The following GRTP1 variants were observed in gnomAD, a reference collection of about 807,000 sequenced individuals.
GRTP1 encodes the protein growth hormone regulated TBC protein 1, also known as growth hormone-regulated TBC protein 1.
Under a neutral mutation model 38.1 loss-of-function variants are expected in GRTP1, and 56 were observed. That is an observed-to-expected ratio of 1.47 (90% CI 1.19 to 1.84). GRTP1 has a LOEUF of 1.84. Ranked by LOEUF, GRTP1 falls within the 40% of genes most tolerant of loss-of-function variation. The pLI, the probability that GRTP1 is intolerant of heterozygous loss-of-function variation, is 0.00. For synonymous variants in GRTP1, 217 were observed against 189.5 expected (o/e 1.14, Z -1.19); for missense variants, 506 against 453.9 (o/e 1.11, Z -1.04).
rs914619600 is a variant in GRTP1 at position 113,348,695 on chromosome 13, G to T, written c.465+2154C>A. On this transcript the variant is annotated intron_variant, in intron 4 of 7. Coordinates refer to ENST00000375431, the MANE Select transcript of GRTP1 (RefSeq NM_024719.4). This position sits in a 1 kb window ranked among gnomAD's most constrained non-coding sequence, Gnocchi z 4.8. ...GAACGCACATGGAGATGGAGGCAGA[G>T]ATTGGAGTAGTGATGCCACCCGCCG... Among the ~76,000 whole-genome samples, 1 of 152,188 alleles carries T rather than the reference G, an allele frequency of 6.6e-6. No homozygotes were observed. The highest frequency in any genetic ancestry group is 2.4e-5 in the African/African-American group (1 of 41,442).
At chr13:113,346,019 AGCAGACCTGG>A (rs2043103242) in intron 4 of GRTP1, among the ~76,000 whole-genome samples, 2 of 93,628 alleles carry the variant, frequency 2.1e-5, no homozygotes, top group African/African-American at 7.8e-5. Context: ...TCTGCGGCTG[AGCAGACCTGG>A]GAAGACATCT....
chr13:113,354,207 T>C (rs1360532405), intron 3 of GRTP1, among the ~76,000 whole-genome samples: 1 of 152,222 alleles, frequency 6.6e-6, no homozygotes, highest in Non-Finnish European at 1.5e-5. Context: ...TGAATCAGCG[T>C]TTCTGGCCGC....
chr13:113,334,034 C>T (rs1370081803), intron 5 of GRTP1, among the ~76,000 whole-genome samples: 1 of 151,940 alleles, frequency 6.6e-6, no homozygotes, highest in Admixed American at 6.6e-5. Flanking sequence ...GAGGTTTCGC[C>T]ATACTGGCCA....
At chr13:113,357,127 T>A (rs1457495319) in intron 2 of GRTP1, among the ~76,000 whole-genome samples, 1 of 151,408 alleles carries the variant, frequency 6.6e-6, no homozygotes, top group Non-Finnish European at 1.5e-5. Flanking sequence ...CTGGCCAACA[T>A]GGTGAAACCC....
In GRTP1 at chr13:113,348,827, C is replaced by T. The variant is rs2043213728; in HGVS notation, c.465+2022G>A. Among the ~76,000 whole-genome samples the T allele has an allele frequency of 6.6e-6, 1 of 152,052 alleles. No homozygotes were observed. The highest frequency in any genetic ancestry group is 6.5e-5 in the Admixed American group (1 of 15,270). ...CCGCCCCGCAGACGCCGCGACCTCA[C>T]CTGCCCCGCAGATGCCGCGACCTCT... On this transcript the variant is annotated intron_variant, in intron 4 of 7. Coordinates refer to ENST00000375431, the MANE Select transcript of GRTP1 (RefSeq NM_024719.4). This position sits in a 1 kb window ranked among gnomAD's most constrained non-coding sequence, Gnocchi z 4.8.
chr13:113,354,877 CT>C (rs976871101), intron 3 of GRTP1, among the ~76,000 whole-genome samples: 2 of 152,180 alleles, frequency 1.3e-5, no homozygotes, highest in African/African-American at 4.8e-5. Context: ...GCCAGGGACC[CT>C]ATGGTTATGT....
rs1555316235 is a variant in GRTP1, at chr13:113,342,771, C to A, written c.562+2092G>T. On this transcript the variant is annotated intron_variant, in intron 5 of 7. Coordinates refer to ENST00000375431, the MANE Select transcript of GRTP1 (RefSeq NM_024719.4). The surrounding 1 kb of genome is among the most constrained non-coding windows in gnomAD (Gnocchi z 4.5). ...GAGAGCTCTGCCGGGATCGGAATAA[C>A]CCCCTTTTCCTCCCATGATCCTAAC... Among the ~76,000 whole-genome samples the A allele has an allele frequency of 6.6e-6, 1 of 152,196 alleles. No homozygotes were observed. Among genetic ancestry groups the A allele is most frequent in the Non-Finnish European group, 1.5e-5 (1 of 68,032 alleles).
chr13:113,363,210 T>C (rs959678262), intron 2 of GRTP1, among the ~76,000 whole-genome samples: 1 of 152,192 alleles, frequency 6.6e-6, no homozygotes, highest in African/African-American at 2.4e-5. Flanking sequence ...AGCAGGGCCC[T>C]GTGGGTCCCG....
In GRTP1 at chr13:113,350,593, G is replaced by A. The variant is rs551828913; in HGVS notation, c.465+256C>T. Among the ~76,000 whole-genome samples, 188 of 118,244 alleles carry A rather than the reference G, an allele frequency of 1.6e-3. 1 individual carries two copies. The highest frequency in any genetic ancestry group is 5.9e-3 in the African/African-American group (183 of 31,058). The allele number at this position is 118,244 out of a possible 152,430, so 77.6% of individuals were successfully genotyped here. On this transcript the variant is annotated intron_variant, in intron 4 of 7. Transcript: ENST00000375431. ...TCCCACAGCACACACACCCCACAGC[G>A]CACGCACCCCACAGCACTCGCCCTC...
chr13:113,356,527 A>G (rs2043389906), intron 2 of GRTP1, among the ~76,000 whole-genome samples: 1 of 152,160 alleles, frequency 6.6e-6, no homozygotes, highest in African/African-American at 2.4e-5. Context: ...CGGCCTCCCA[A>G]AGTGCTGGGA....
Position 113,352,326 on chromosome 13 carries a change from T to TA in GRTP1, c.341-1354_341-1353insT, listed in dbSNP as rs1491132131. Among the ~76,000 whole-genome samples, 307 of 68,376 alleles carry TA rather than the reference T, an allele frequency of 4.5e-3. 1 individual carries two copies. Among genetic ancestry groups the TA allele is most frequent in the East Asian group, 0.014 (19 of 1,334 alleles). The allele number at this position is 68,376 out of a possible 152,430, so 44.9% of individuals were successfully genotyped here. ...TTTTATATATATTTTATATATATTT[T>TA]TATATATATTTTATATATATATTTA... On this transcript the variant is annotated intron_variant, in intron 3 of 7. Transcript: ENST00000375431.
intron 5 of GRTP1, among the ~76,000 whole-genome samples, chr13:113,330,220 C>T (rs554820258): frequency 8.2e-4 from 67 of 81,930 alleles, no homozygotes; most frequent in South Asian, 1.4e-3. Context: ...AGCCCAGGTG[C>T]GTGGATGGAA....
rs776549382 is a variant in GRTP1 at position 113,363,923 on chromosome 13, GAGA to G, written c.33-16_33-14del. ...GTACGGGTCGATCCTGCAAAACCGA[GAGA>G]AGGAGGCCGGCGTCCCCGAAGTTTC... On this transcript the variant is annotated splice_polypyrimidine_tract_variant and intron_variant, in intron 1 of 7. Coordinates refer to ENST00000375431, the MANE Select transcript of GRTP1 (RefSeq NM_024719.4). 24 of 1,607,448 alleles carry G rather than the reference GAGA, an allele frequency of 1.5e-5. No individual in the cohort carries two copies. The highest frequency in any genetic ancestry group is 1.7e-4 in the Middle Eastern group (1 of 6,020).
chr13:113,331,153 G>A (rs1363844801), intron 5 of GRTP1, among the ~76,000 whole-genome samples: 1 of 152,144 alleles, frequency 6.6e-6, no homozygotes, highest in Non-Finnish European at 1.5e-5. Flanking sequence ...TGGGAACCCG[G>A]GTGTGTGCAT....
chr13:113,360,319 C>T (rs979011109), intron 2 of GRTP1: 1 of 152,034 alleles, frequency 6.6e-6, no homozygotes, highest in Admixed American at 6.6e-5. Context: ...TTTATTGTAC[C>T]CACCAAGAGT....
intron 4 of GRTP1, among the ~76,000 whole-genome samples, chr13:113,345,393 G>A (rs1408379813): frequency 3.9e-5 from 6 of 152,222 alleles, no homozygotes; most frequent in Admixed American, 6.5e-5. Context: ...GGAGAATTTC[G>A]TGGTGGAGAC....
intron 2 of GRTP1, among the ~76,000 whole-genome samples, chr13:113,362,566 G>A (rs1191879440): frequency 6.6e-6 from 1 of 152,146 alleles, no homozygotes; most frequent in African/African-American, 2.4e-5. Flanking sequence ...AGCCCAGGAG[G>A]TCAAGGCTAC....
At chr13:113,347,454 A>AAGAACAGATCCG (rs2043172071) in intron 4 of GRTP1, among the ~76,000 whole-genome samples, 1 of 45,144 alleles carries the variant, frequency 2.2e-5, no homozygotes, top group African/African-American at 1.6e-4. Context: ...GAGCAGACCC[A>AAGAACAGATCCG]GGAGGATCTC....
At chr13:113,333,874 TCC>T (rs2042915875) in intron 5 of GRTP1, among the ~76,000 whole-genome samples, 7 of 135,228 alleles carry the variant, frequency 5.2e-5, no homozygotes, top group South Asian at 4.9e-4. Flanking sequence ...TGTGTGTGTG[TCC>T]GAGGCTGGAG....
Sources: gnomAD v4.1 joint callset for allele counts (sites outside exome capture counted in the v4.1 genomes callset) on GRCh38, gnomAD v4.1.1 for gene constraint, Gnocchi (gnomAD v3.1) non-coding constraint, MANE v1.5 for transcripts, NCBI Gene and HGNC (gene_info 2026-07-23, HGNC 2026-07-21) for gene names.